The following MXRA7 variants were observed in gnomAD, a reference collection of about 807,000 sequenced individuals.
MXRA7 encodes the protein matrix-remodeling-associated protein 7.
MXRA7 carries 18 observed loss-of-function variants against 17.4 expected under a neutral mutation model. The ratio of observed to expected loss-of-function variants is 1.03; its 90% CI spans 0.71 to 1.53. The LOEUF (loss-of-function observed/expected upper bound fraction) is 1.53. Ranked by LOEUF, MXRA7 falls within the 40% of genes most tolerant of loss-of-function variation. The probability of loss-of-function intolerance (pLI) is 0.00; values close to 1 mark genes in which losing one functional copy is unlikely to be tolerated. For synonymous variants in MXRA7, 70 were observed against 101.7 expected (o/e 0.69, Z 1.87); for missense variants, 141 against 209.3 (o/e 0.67, Z 2.01).
At chr17:76,688,795 C>T (rs1044511961) in intron 1 of MXRA7, 17 of 696,348 alleles carry the variant, frequency 2.4e-5, no homozygotes, top group African/African-American at 3.7e-5. Flanking sequence ...ATGAGAGCGA[C>T]GTGCCGTGCC....
intron 1 of MXRA7, among the ~76,000 whole-genome samples, chr17:76,697,658 G>T (rs1598354468): frequency 6.6e-6 from 1 of 152,182 alleles, no homozygotes; most frequent in African/African-American, 2.4e-5. Context: ...AATGGAGGAG[G>T]TGGAGGCGGG....
intron 1 of MXRA7, among the ~76,000 whole-genome samples, chr17:76,695,156 G>A (rs959362664): frequency 1.3e-5 from 2 of 152,058 alleles, no homozygotes; most frequent in Admixed American, 6.5e-5. Flanking sequence ...GCGAAACTCC[G>A]TCTCAAAAAC....
chr17:76,687,701 C>T (rs1290578781), intron 2 of MXRA7, among the ~76,000 whole-genome samples: 1 of 152,240 alleles, frequency 6.6e-6, no homozygotes, highest in African/African-American at 2.4e-5. Flanking sequence ...GTGTGCCCTC[C>T]TGGGGCCTTC....
chr17:76,700,012 T>G (rs572573867), intron 1 of MXRA7, among the ~76,000 whole-genome samples: 2 of 152,140 alleles, frequency 1.3e-5, no homozygotes, highest in Non-Finnish European at 1.5e-5. Context: ...CAGGTTGGAG[T>G]GCAGTGGCAC....
intron 1 of MXRA7, among the ~76,000 whole-genome samples, chr17:76,700,171 C>A (rs186163688): frequency 3.9e-5 from 6 of 152,268 alleles, no homozygotes; most frequent in Admixed American, 3.9e-4. Flanking sequence ...TGGGTTTTGC[C>A]ACGTTGGCCA....
intron 1 of MXRA7, among the ~76,000 whole-genome samples, chr17:76,700,591 G>T (rs1441559973): frequency 6.6e-6 from 1 of 152,218 alleles, no homozygotes; most frequent in African/African-American, 2.4e-5. Context: ...GGAGCCCACA[G>T]CGATTTCTGT....
At position 76,681,998 on chromosome 17, in the gene MXRA7, G is replaced by C. The variant is rs909200520; in HGVS notation, c.501-1119C>G. ...GAGGGGAGAGCTGAGGAGGCGGGCA[G>C]ACAGTGGCAAGCAGGATCTTAAGCA... On this transcript the variant is annotated intron_variant, in intron 3 of 3. Coordinates refer to ENST00000449428, the MANE Select transcript of MXRA7 (RefSeq NM_198530.4). This position sits in a 1 kb window ranked among gnomAD's most constrained non-coding sequence, Gnocchi z 4.7. Among the ~76,000 whole-genome samples the C allele has an allele frequency of 1.3e-5, 2 of 152,252 alleles. No homozygotes were observed. Among genetic ancestry groups the C allele is most frequent in the African/African-American group, 4.8e-5 (2 of 41,476 alleles).
At chr17:76,691,048 T>C (rs2076474400) in intron 1 of MXRA7, among the ~76,000 whole-genome samples, 1 of 152,228 alleles carries the variant, frequency 6.6e-6, no homozygotes. Context: ...CTGGGTGGGC[T>C]GATCACCAGA....
At chr17:76,700,510 C>T (rs566475439) in intron 1 of MXRA7, among the ~76,000 whole-genome samples, 1 of 152,274 alleles carries the variant, frequency 6.6e-6, no homozygotes, top group East Asian at 1.9e-4. Context: ...CAGGCCTGGG[C>T]AGGGACAGAA....
intron 1 of MXRA7, among the ~76,000 whole-genome samples, chr17:76,692,368 C>T (rs1252766238): frequency 6.6e-6 from 1 of 151,960 alleles, no homozygotes; most frequent in Non-Finnish European, 1.5e-5. Flanking sequence ...ACTCTCCTGC[C>T]TCAGCCTCCC....
At position 76,706,395 on chromosome 17, in the gene MXRA7, GCTGCCGTCACAGAGGCCCACA is replaced by G. The variant is rs1567991073; in HGVS notation, c.342+4189_342+4209del. Among the ~76,000 whole-genome samples the G allele has an allele frequency of 1.9e-4, 23 of 121,020 alleles. 1 individual carries two copies. The highest frequency in any genetic ancestry group is 1.1e-3 in the East Asian group (4 of 3,608). The allele number at this position is 121,020 out of a possible 152,430, so 79.4% of individuals were successfully genotyped here. ...CCACGCTGCCGTCACAGAGGCCCACGCTGCCGTCACAGAGGCCCACACTGCCATCACAAAGGACCACACTGC... is the reference window on the plus strand; with the variant it reads ...CCACGCTGCCGTCACAGAGGCCCACGCTGCCATCACAAAGGACCACACTGC... On this transcript the variant is annotated intron_variant, in intron 1 of 3. Coordinates refer to ENST00000449428, the MANE Select transcript of MXRA7 (RefSeq NM_198530.4).
chr17:76,697,130 T>C lies in MXRA7; in HGVS notation c.343-8954A>G, dbSNP rs563487965. ...CCTGACTCTATTTGGAAACAGGGCC[T>C]TTAAAGAGGTGATTAAGTTAAAATG... On this transcript the variant is annotated intron_variant, in intron 1 of 3. Coordinates refer to ENST00000449428, the MANE Select transcript of MXRA7 (RefSeq NM_198530.4). 2.0e-5 allele frequency among the ~76,000 whole-genome samples: 3 copies of C among 152,186 alleles called. No homozygotes were observed. The South Asian group carries it at 6.2e-4, about 32-fold the overall frequency.
In MXRA7 at chr17:76,687,066, C is replaced by A. The variant is rs2076407270; in HGVS notation, c.406+1047G>T. Among the ~76,000 whole-genome samples the A allele has an allele frequency of 2.0e-5, 3 of 152,222 alleles. No individual in the cohort carries two copies. The South Asian group carries it at 6.2e-4, about 32-fold the overall frequency. Reference sequence around the variant, plus strand: ...CGTGTCCCCAAGTCACTAACAGGATCCCTGCATCCCTTCAGCTGTCTCAGG... The same window carrying A: ...CGTGTCCCCAAGTCACTAACAGGATACCTGCATCCCTTCAGCTGTCTCAGG... On this transcript the variant is annotated intron_variant, in intron 2 of 3. Transcript: ENST00000449428.
intron 2 of MXRA7, among the ~76,000 whole-genome samples, chr17:76,686,060 C>T (rs1175922943): frequency 2.6e-5 from 4 of 152,190 alleles, no homozygotes; most frequent in African/African-American, 4.8e-5. Flanking sequence ...TCCAGCAGCC[C>T]GAAAAGCCAG....
At chr17:76,684,002 C>T in intron 3 of MXRA7, 1 of 1,148,818 alleles carries the variant, frequency 8.7e-7, no homozygotes, top group East Asian at 2.3e-5. Context: ...GGGGCTCCTG[C>T]CAGGGCTCTT....
chr17:76,694,640 G>C (rs2076513391), intron 1 of MXRA7, among the ~76,000 whole-genome samples: 1 of 152,164 alleles, frequency 6.6e-6, no homozygotes, highest in South Asian at 2.1e-4. Context: ...GCTGTTGGTA[G>C]AGTGATGCGA....
At chr17:76,685,367 A>G (rs1478610480) in intron 2 of MXRA7, among the ~76,000 whole-genome samples, 1 of 152,210 alleles carries the variant, frequency 6.6e-6, no homozygotes, top group Non-Finnish European at 1.5e-5. Flanking sequence ...CCAGAGAGAA[A>G]GCAGTCCTAC....
At chr17:76,673,734 AG>A (rs1352083219) in exon 4 of MXRA7, 6 of 152,014 alleles carry the variant, frequency 3.9e-5, no homozygotes, top group African/African-American at 1.4e-4. Flanking sequence ...CAGCCACGGC[AG>A]AGAGGGGTAC....
At chr17:76,708,693 A>G (rs939045793) in intron 1 of MXRA7, among the ~76,000 whole-genome samples, 4 of 152,172 alleles carry the variant, frequency 2.6e-5, no homozygotes, top group African/African-American at 4.8e-5. Flanking sequence ...GGATGACACA[A>G]TATCTGTGTC....
Sources: allele counts gnomAD v4.1 joint callset (sites outside exome capture counted in the v4.1 genomes callset), GRCh38; gene constraint gnomAD v4.1.1; non-coding constraint Gnocchi (gnomAD v3.1); transcripts MANE v1.5; gene names NCBI Gene and HGNC (gene_info 2026-07-23, HGNC 2026-07-21).